ALCAM: variants seen among roughly 807,000 people sequenced by gnomAD.
ALCAM encodes the protein CD166 antigen.
A neutral mutation model predicts 70.9 loss-of-function variants in ALCAM; 30 were observed. The ratio of observed to expected loss-of-function variants is 0.42; its 90% CI spans 0.32 to 0.57. The LOEUF is 0.57. Ranked by LOEUF, ALCAM falls within the 20% of genes least tolerant of loss-of-function variation. The pLI, the probability that ALCAM is intolerant of heterozygous loss-of-function variation, is 0.11. For missense variants in ALCAM, 591 were observed against 695.1 expected (o/e 0.85, Z 1.68); for synonymous variants, 249 against 242.5 (o/e 1.03, Z -0.25).
intron 6 of ALCAM, among the ~76,000 whole-genome samples, chr3:105,539,360 A>C (rs569830220): frequency 6.6e-6 from 1 of 152,210 alleles, no homozygotes; most frequent in South Asian, 2.1e-4. Context: ...AAATGGAATG[A>C]AAGTTGCATC....
At chr3:105,402,083 A>G (rs1936104019) in intron 1 of ALCAM, among the ~76,000 whole-genome samples, 1 of 152,198 alleles carries the variant, frequency 6.6e-6, no homozygotes, top group Admixed American at 6.5e-5. Context: ...AGCTTTACCA[A>G]ACATCCCCAT....
chr3:105,528,433 A>G (rs914118599), intron 3 of ALCAM, among the ~76,000 whole-genome samples: 35 of 152,192 alleles, frequency 2.3e-4, no homozygotes, highest in Non-Finnish European at 4.7e-4. Context: ...AATCTCCTGT[A>G]TAACTGCAGA....
chr3:105,570,497 G>A (rs1010716182), intron 14 of ALCAM, among the ~76,000 whole-genome samples: 4 of 152,078 alleles, frequency 2.6e-5, no homozygotes, highest in Non-Finnish European at 2.9e-5. Flanking sequence ...CACATCGATA[G>A]AAGACACACA....
chr3:105,442,637 C>T (rs907391656), intron 1 of ALCAM, among the ~76,000 whole-genome samples: 11 of 151,656 alleles, frequency 7.3e-5, no homozygotes, highest in Non-Finnish European at 1.2e-4. Flanking sequence ...AAAAATTAGG[C>T]GGGCGTGGTG....
At chr3:105,514,360 G>A (rs990539359) in intron 1 of ALCAM, among the ~76,000 whole-genome samples, 12 of 151,940 alleles carry the variant, frequency 7.9e-5, no homozygotes, top group Non-Finnish European at 5.9e-5. Flanking sequence ...AAATTAGGTA[G>A]AGATGGGGTA....
Position 105,541,696 on chromosome 3 carries a change from A to G in ALCAM, c.922A>G (p.Thr308Ala), listed in dbSNP as rs768417349. ...ACTGACGGATGTGAGGCGCAATGCA[A>G]CAGGAGACTACAAGTGTTCCCTGAT... ...YTLTDVRRNA[T>A]GDYKCSLIDK... Residue 308 changes from threonine (T) to alanine (A), a missense_variant, in exon 8 of 16, where the codon ACA becomes GCA. Physicochemically the swap from Thr to Ala is moderately conservative, Grantham distance 58. Coordinates refer to ENST00000306107, the MANE Select transcript of ALCAM (RefSeq NM_001627.4). 2.5e-6 allele frequency: 4 copies of G among 1,612,406 alleles called. No individual in the cohort carries two copies. Among genetic ancestry groups the G allele is most frequent in the East Asian group, 2.2e-5 (1 of 44,816 alleles).
chr3:105,547,117 C>T, intron 9 of ALCAM, 32 bp from the exon 10 acceptor site: 1 of 1,491,750 alleles, frequency 6.7e-7, no homozygotes. Flanking sequence ...TTAATTCTGC[C>T]ACATGAGGTA....
chr3:105,571,266 G>C (rs1559661104), intron 14 of ALCAM, among the ~76,000 whole-genome samples: 1 of 152,178 alleles, frequency 6.6e-6, no homozygotes, highest in Non-Finnish European at 1.5e-5. Context: ...AGGGGATGCT[G>C]ATACTGCTGG....
intron 1 of ALCAM, among the ~76,000 whole-genome samples, chr3:105,461,097 T>C (rs896873487): frequency 6.6e-6 from 1 of 151,400 alleles, no homozygotes; most frequent in African/African-American, 2.4e-5. Context: ...ATCTCACATA[T>C]CTCACATGTT....
chr3:105,573,604 G>A (rs1032707311), intron 15 of ALCAM, among the ~76,000 whole-genome samples: 6 of 152,108 alleles, frequency 3.9e-5, no homozygotes, highest in African/African-American at 1.2e-4. Flanking sequence ...CTCAAAAGAG[G>A]TATGTTTCCA....
At chr3:105,551,895 G>T (rs1392944778) in intron 12 of ALCAM, among the ~76,000 whole-genome samples, 1 of 151,352 alleles carries the variant, frequency 6.6e-6, no homozygotes, top group African/African-American at 2.4e-5. Context: ...AATTCTATAG[G>T]TCATCAGTTA....
At chr3:105,391,511 T>C (rs1935817038) in intron 1 of ALCAM, among the ~76,000 whole-genome samples, 1 of 152,092 alleles carries the variant, frequency 6.6e-6, no homozygotes. Context: ...GTTTTCTAGA[T>C]ATAGGATCAT....
At chr3:105,530,887 T>C (rs1389907429) in intron 3 of ALCAM, among the ~76,000 whole-genome samples, 7 of 152,048 alleles carry the variant, frequency 4.6e-5, no homozygotes, top group African/African-American at 1.4e-4. Flanking sequence ...TTTTCTATAA[T>C]GATCTAGGGA....
In ALCAM at chr3:105,454,881, G is replaced by A. The variant is rs1275964481; in HGVS notation, c.74-65186G>A. Among the ~76,000 whole-genome samples the A allele has an allele frequency of 2.6e-5, 4 of 151,242 alleles. No individual in the cohort carries two copies. The East Asian group carries it at 8.0e-4, about 30-fold the overall frequency. Reference sequence around the variant, plus strand: ...TTTTAGTAGAGACGGAGTTTCACCAGGTTGACCAGGCTGGTCTCAAACTCT... The same window carrying A: ...TTTTAGTAGAGACGGAGTTTCACCAAGTTGACCAGGCTGGTCTCAAACTCT... On this transcript the variant is annotated intron_variant, in intron 1 of 15. Transcript: ENST00000306107.
intron 1 of ALCAM, among the ~76,000 whole-genome samples, chr3:105,475,407 C>G (rs1938081342): frequency 6.6e-6 from 1 of 151,846 alleles, no homozygotes; most frequent in Non-Finnish European, 1.5e-5. Context: ...AAAAATAAAA[C>G]AGTAAATTGC....
chr3:105,373,235 G>A (rs912193767), intron 1 of ALCAM, among the ~76,000 whole-genome samples: 1 of 152,104 alleles, frequency 6.6e-6, no homozygotes, highest in African/African-American at 2.4e-5. Flanking sequence ...TGGGGTTACA[G>A]TAAACAGTGA....
chr3:105,516,924 C>G (rs114171179), intron 1 of ALCAM, among the ~76,000 whole-genome samples: 2 of 152,050 alleles, frequency 1.3e-5, no homozygotes. Context: ...ACAAATATTA[C>G]AGGGAGAAAA....
Position 105,532,054 on chromosome 3 carries a change from G to A in ALCAM, c.447G>A (p.Glu149=). The change falls in exon 4 of 16, where the codon GAG becomes GAA. Residue 149 remains glutamate (E), a synonymous_variant. Transcript: ENST00000306107. ...GCAAAGCACTGTTTCTCGAAACAGA[G>A]CAGCTAAAAAAGGTAAGAATTGTTT... ...IVSKALFLET[E]QLKKLGDCIS... 4 of 1,613,242 alleles carry A rather than the reference G, an allele frequency of 2.5e-6. No individual in the cohort carries two copies. The highest frequency in any genetic ancestry group is 3.4e-6 in the Non-Finnish European group (4 of 1,179,582).
chr3:105,472,934 T>C (rs1216381009), intron 1 of ALCAM, among the ~76,000 whole-genome samples: 1 of 151,534 alleles, frequency 6.6e-6, no homozygotes, highest in African/African-American at 2.4e-5. Flanking sequence ...TGGTGCTGTG[T>C]GTATATAAGA....
Sources: gnomAD v4.1 joint callset for allele counts (sites outside exome capture counted in the v4.1 genomes callset) on GRCh38, gnomAD v4.1.1 for gene constraint, MANE v1.5 for transcripts, NCBI Gene and HGNC (gene_info 2026-07-23, HGNC 2026-07-21) for gene names.